MIS18A: variants seen among roughly 807,000 people sequenced by gnomAD.
MIS18A encodes the protein protein Mis18-alpha.
In MIS18A, 14 loss-of-function variants were observed where a neutral mutation model predicts 25.0. That is an observed-to-expected ratio of 0.56 (90% CI 0.37 to 0.88). The LOEUF is 0.88. Ranked by LOEUF, MIS18A falls within the 40% of genes least tolerant of loss-of-function variation. The pLI is 0.00. For missense variants in MIS18A, 292 were observed against 290.8 expected, an observed-to-expected ratio of 1.00 and a Z score of -0.03; for synonymous variants, 134 against 118.6, an observed-to-expected ratio of 1.13 and a Z score of -0.84.
At chr21:32,157,067 T>TC in the MIS18A span, among the ~76,000 whole-genome samples, 2 of 147,852 alleles carry the variant, frequency 1.4e-5, no homozygotes, top group South Asian at 2.2e-4. Context: ...TTTTTTTTTT[T>TC]TTTGAGATGG....
At chr21:32,192,355 G>A in the MIS18A span, among the ~76,000 whole-genome samples, 88 of 152,200 alleles carry the variant, frequency 5.8e-4, no homozygotes, top group African/African-American at 1.8e-3. Flanking sequence ...GCGTGGCTGC[G>A]TCTCCCCTCT....
At chr21:32,203,076 A>G in the MIS18A span, among the ~76,000 whole-genome samples, 8 of 152,220 alleles carry the variant, frequency 5.3e-5, no homozygotes, top group Admixed American at 1.3e-4. Flanking sequence ...AAAATTTGTA[A>G]TGTAATAGAA....
the MIS18A span, among the ~76,000 whole-genome samples, chr21:32,203,461 T>A: frequency 3.4e-5 from 5 of 149,164 alleles, no homozygotes; most frequent in African/African-American, 1.2e-4. Context: ...AAACTCAGAA[T>A]GGTACCTTAC....
the MIS18A span, among the ~76,000 whole-genome samples, chr21:32,235,725 G>A: frequency 3.9e-5 from 6 of 152,314 alleles, no homozygotes; most frequent in Middle Eastern, 3.4e-3. Flanking sequence ...TGGAGACACC[G>A]CGTTCAGGCA....
chr21:32,203,100 C>T, the MIS18A span, among the ~76,000 whole-genome samples: 3 of 150,850 alleles, frequency 2.0e-5, no homozygotes, highest in Non-Finnish European at 2.9e-5. Flanking sequence ...TTTAAAAGTA[C>T]CCCCCAAATA....
intron 1 of MIS18A, among the ~76,000 whole-genome samples, chr21:32,276,977 A>T (rs961784844): frequency 5.9e-5 from 9 of 152,242 alleles, no homozygotes; most frequent in African/African-American, 1.7e-4. Context: ...ATCCTATTTT[A>T]AAAAATCATA....
At chr21:32,160,307 C>T in the MIS18A span, among the ~76,000 whole-genome samples, 2 of 151,028 alleles carry the variant, frequency 1.3e-5, no homozygotes, top group South Asian at 4.2e-4. Flanking sequence ...CACACACACA[C>T]ACACACACAC....
At chr21:32,213,243 G>A in the MIS18A span, among the ~76,000 whole-genome samples, 4 of 152,252 alleles carry the variant, frequency 2.6e-5, no homozygotes, top group East Asian at 7.7e-4. Context: ...TATTTGGAAA[G>A]AGATTGGAAA....
the MIS18A span, among the ~76,000 whole-genome samples, chr21:32,236,585 C>T: frequency 6.6e-6 from 1 of 152,108 alleles, no homozygotes; most frequent in Non-Finnish European, 1.5e-5. Context: ...GTTGCTTTGC[C>T]ATCTCCAGAG....
chr21:32,176,901 A>G, the MIS18A span, among the ~76,000 whole-genome samples: 7 of 152,306 alleles, frequency 4.6e-5, no homozygotes, highest in East Asian at 1.3e-3. Context: ...TTTTATGAGG[A>G]TGAAATAATA....
At chr21:32,222,815 C>A in the MIS18A span, among the ~76,000 whole-genome samples, 2 of 151,694 alleles carry the variant, frequency 1.3e-5, no homozygotes, top group Non-Finnish European at 2.9e-5. Flanking sequence ...CCTGTAGTCC[C>A]ATCTACTTGG....
chr21:32,230,226 C>T, the MIS18A span, among the ~76,000 whole-genome samples: 1 of 152,048 alleles, frequency 6.6e-6, no homozygotes, highest in South Asian at 2.1e-4. Flanking sequence ...CTGGTTGCTC[C>T]CTAAATTTTC....
chr21:32,264,404 G>T (rs2031557323), downstream of MIS18A, among the ~76,000 whole-genome samples: 4 of 152,138 alleles, frequency 2.6e-5, no homozygotes, highest in South Asian at 8.3e-4. Context: ...ATTATGTATA[G>T]ACTGGCTACA....
chr21:32,194,535 T>C, the MIS18A span, among the ~76,000 whole-genome samples: 3 of 151,976 alleles, frequency 2.0e-5, no homozygotes, highest in Non-Finnish European at 2.9e-5. Flanking sequence ...GGTGCATGCC[T>C]GTTATCCCAG....
chr21:32,170,282 T>C, the MIS18A span, among the ~76,000 whole-genome samples: 1 of 152,126 alleles, frequency 6.6e-6, no homozygotes. Context: ...ACTGATGGAT[T>C]AGATAAAGAA....
chr21:32,259,320 G>A, the MIS18A span, among the ~76,000 whole-genome samples: 1 of 152,182 alleles, frequency 6.6e-6, no homozygotes, highest in African/African-American at 2.4e-5. Flanking sequence ...CCTCGCCTTG[G>A]CCTCCCAGGG....
the MIS18A span, among the ~76,000 whole-genome samples, chr21:32,188,048 G>A: frequency 3.3e-5 from 5 of 150,224 alleles, no homozygotes; most frequent in East Asian, 3.9e-4. Context: ...TCCATCATGC[G>A]AAGACACAGC....
intron 2 of MIS18A, among the ~76,000 whole-genome samples, chr21:32,271,907 C>G (rs2031721705): frequency 6.6e-6 from 1 of 152,194 alleles, no homozygotes; most frequent in Non-Finnish European, 1.5e-5. Context: ...CTAATGTCAT[C>G]AGCCAAGAAA....
chr21:32,242,077 T>C, the MIS18A span, among the ~76,000 whole-genome samples: 1 of 152,230 alleles, frequency 6.6e-6, no homozygotes, highest in African/African-American at 2.4e-5. Context: ...AGACGGGGTT[T>C]CACTGTGTTA....
Sources: gnomAD v4.1 joint callset for allele counts (sites outside exome capture counted in the v4.1 genomes callset) on GRCh38, gnomAD v4.1.1 for gene constraint, MANE v1.5 for transcripts, NCBI Gene and HGNC (gene_info 2026-07-23, HGNC 2026-07-21) for gene names.